EMILIN2: variants seen among roughly 807,000 people sequenced by gnomAD.
EMILIN2 encodes the protein elastin microfibril interfacer 2, also known as EMILIN-2.
EMILIN2 carries 71 observed loss-of-function variants against 87.1 expected under a neutral mutation model. The ratio of observed to expected loss-of-function variants is 0.82; its 90% confidence interval spans 0.67 to 0.99. EMILIN2 has a LOEUF of 0.99. EMILIN2 is among the 50% of genes least tolerant of loss of function. The pLI is 0.00. For missense variants in EMILIN2, 1,407 were observed against 1,371.8 expected, an observed-to-expected ratio of 1.03 and a Z score of -0.40; for synonymous variants, 581 against 563.4, an observed-to-expected ratio of 1.03 and a Z score of -0.44.
At position 2,867,369 on chromosome 18, in the gene EMILIN2, T is replaced by G. The variant is rs190750479; in HGVS notation, c.258-17595T>G. 5.6e-3 allele frequency among the ~76,000 whole-genome samples: 846 copies of G among 151,118 alleles called. 8 individuals carry two copies. The highest frequency in any genetic ancestry group is 0.018 in the African/African-American group (764 of 41,354). On this transcript the variant is annotated intron_variant, in intron 2 of 7. Transcript: ENST00000254528. ...GTCTTTATTTATTTATTTATTTATT[T>G]ATTGATCATTCTTGGGTGTTTCTCG...
At position 2,906,801 on chromosome 18, in the gene EMILIN2, C is replaced by T. The variant is rs536997896; in HGVS notation, c.2378C>T (p.Pro793Leu). The change falls in exon 5 of 8, where the codon CCG (proline) becomes CTG (leucine). Residue 793 changes from proline to leucine, a missense_variant. Pro to Leu is a moderately conservative substitution (Grantham distance 98). Coordinates refer to ENST00000254528, the MANE Select transcript of EMILIN2 (RefSeq NM_032048.3). ...QPSAKAPSPP[P>L]PAEAPKEPLQ... ...CCGGCAGAGGCGCCCTCGCCCCCGC[C>T]GCCCGCAGAGGCCCCGAAGGAGCCG... 2.3e-6 allele frequency: 3 copies of T among 1,292,788 alleles called. No individual in the cohort carries two copies. The highest frequency in any genetic ancestry group is 2.5e-5 in the South Asian group (1 of 40,132). 80.1% of individuals were successfully genotyped at this position (1,292,788 alleles called of 1,614,324 possible). A position where few individuals can be genotyped will look rare whatever the true frequency, so the allele number is the denominator to read the frequency against.
intron 4 of EMILIN2, among the ~76,000 whole-genome samples, chr18:2,897,814 A>G (rs895195134): frequency 9.9e-5 from 15 of 151,294 alleles, no homozygotes; most frequent in African/African-American, 3.7e-4. Context: ...GTGAGCTATG[A>G]TCACACCACT....
Position 2,906,951 on chromosome 18 carries a change from G to A in EMILIN2, c.2528G>A (p.Gly843Glu). Residue 843 changes from glycine (G) to glutamate (E), a missense_variant, in exon 5 of 8, where the codon GGG becomes GAG. By Grantham distance (98) the Gly-to-Glu change is moderately conservative (BLOSUM62 -2). Coordinates refer to ENST00000254528, the MANE Select transcript of EMILIN2 (RefSeq NM_032048.3). ...ERPPQPPGSTGVIAETGQAGP... is the reference protein window; with the variant it reads ...ERPPQPPGSTEVIAETGQAGP... ...CCGCCCCAGCCGCCAGGCTCCACCG[G>A]GGTCATCGCGGAGACGGGCCAGGCC... 7.1e-7 allele frequency: 1 copy of A among 1,405,730 alleles called. No individual in the cohort carries two copies. Among genetic ancestry groups the A allele is most frequent in the African/African-American group, 1.5e-5 (1 of 67,096 alleles). The allele number at this position is 1,405,730 out of a possible 1,614,324, so 87.1% of individuals were successfully genotyped here. A position where few individuals can be genotyped will look rare whatever the true frequency, so the allele number is the denominator to read the frequency against.
intron 3 of EMILIN2, among the ~76,000 whole-genome samples, chr18:2,886,904 C>T (rs2144028857): frequency 6.6e-6 from 1 of 152,254 alleles, no homozygotes; most frequent in East Asian, 1.9e-4. Context: ...CTCACTTGCC[C>T]TACCTGGACG....
At chr18:2,889,133 C>CTTTTTTTTTTTTTTTT (rs772439545) in intron 3 of EMILIN2, among the ~76,000 whole-genome samples, 139 of 84,312 alleles carry the variant, frequency 1.6e-3, no homozygotes, top group Non-Finnish European at 2.0e-3. Context: ...TCTTTCTTTT[C>CTTTTTTTTTTTTTTTT]TTTTTTTTTT....
chr18:2,899,839 C>T (rs758938843), intron 4 of EMILIN2, among the ~76,000 whole-genome samples: 1 of 152,198 alleles, frequency 6.6e-6, no homozygotes, highest in Non-Finnish European at 1.5e-5. Flanking sequence ...TTAAAAATTC[C>T]AAGAGCTGCT....
chr18:2,869,891 T>C (rs534863907), intron 2 of EMILIN2, among the ~76,000 whole-genome samples: 23 of 152,092 alleles, frequency 1.5e-4, no homozygotes, highest in African/African-American at 5.3e-4. Context: ...GTAAGGATAC[T>C]TCTCGGAGTT....
At chr18:2,903,784 A>G (rs558594527) in intron 4 of EMILIN2, among the ~76,000 whole-genome samples, 2 of 149,930 alleles carry the variant, frequency 1.3e-5, no homozygotes, top group African/African-American at 4.9e-5. Flanking sequence ...CATTTTTTTT[A>G]AAAATTGACC....
chr18:2,899,226 C>T (rs1467150967), intron 4 of EMILIN2, among the ~76,000 whole-genome samples: 2 of 152,274 alleles, frequency 1.3e-5, no homozygotes, highest in Non-Finnish European at 1.5e-5. Flanking sequence ...AAGGCTACCC[C>T]AGAGGCAGAG....
chr18:2,881,604 G>A (rs2076777108), intron 2 of EMILIN2, among the ~76,000 whole-genome samples: 1 of 152,224 alleles, frequency 6.6e-6, no homozygotes, highest in Non-Finnish European at 1.5e-5. Flanking sequence ...CTCTTCAATG[G>A]GCACAGGAGT....
chr18:2,868,955 GT>G (rs11332432), intron 2 of EMILIN2, among the ~76,000 whole-genome samples: 94,625 of 146,106 alleles, frequency 0.65, 30,438 homozygotes, highest in East Asian at 0.77. Flanking sequence ...TTTGAAGGGA[GT>G]TTTTTTTTTT....
intron 2 of EMILIN2, among the ~76,000 whole-genome samples, chr18:2,854,264 T>A (rs2076615928): frequency 6.6e-6 from 1 of 152,090 alleles, no homozygotes. Context: ...TAGCTCTTTT[T>A]CTAAAAAGAT....
chr18:2,882,125 G>A (rs916080624), intron 2 of EMILIN2, among the ~76,000 whole-genome samples: 10 of 152,326 alleles, frequency 6.6e-5, no homozygotes, highest in Admixed American at 2.6e-4. Context: ...TTAACCCCAT[G>A]AGCCTCTGTT....
At chr18:2,854,688 A>G (rs2076618414) in intron 2 of EMILIN2, among the ~76,000 whole-genome samples, 1 of 152,082 alleles carries the variant, frequency 6.6e-6, no homozygotes, top group African/African-American at 2.4e-5. Context: ...CAGCTACTGG[A>G]GAGGCTGAGG....
In EMILIN2 at chr18:2,848,951, CA is replaced by C. The variant is rs750223429; in HGVS notation, c.257+1021del. Reference sequence around the variant, plus strand: ...TCTTATGGGAAGTGGTCGCTGGGTCCACCCCACGTGGGCTTCTGGAGGAGCT... The same window carrying C: ...TCTTATGGGAAGTGGTCGCTGGGTCCCCCCACGTGGGCTTCTGGAGGAGCT... On this transcript the variant is annotated intron_variant, in intron 2 of 7. Transcript: ENST00000254528. The surrounding 1 kb of genome is among the most constrained non-coding windows in gnomAD (Gnocchi z 4.1). Among the ~76,000 whole-genome samples the C allele has an allele frequency of 6.6e-6, 1 of 152,126 alleles. No homozygotes were observed. The highest frequency in any genetic ancestry group is 1.5e-5 in the Non-Finnish European group (1 of 68,034).
chr18:2,866,648 A>C (rs2143980994), intron 2 of EMILIN2, among the ~76,000 whole-genome samples: 1 of 152,332 alleles, frequency 6.6e-6, no homozygotes, highest in Middle Eastern at 3.4e-3. Flanking sequence ...GCAAACAGTG[A>C]CAGTTTGACT....
Position 2,908,992 on chromosome 18 carries a change from A to T in EMILIN2, c.2695+17A>T. On this transcript the variant is annotated intron_variant, in intron 6 of 7. Transcript: ENST00000254528. ...CTTCCCCAGGTATGTCTGCTGAGAG[A>T]CCAGGAGCAGGAGGAGCGGTCTCCT... The T allele has an allele frequency of 1.2e-6, 2 of 1,613,036 alleles. No homozygotes were observed. Among genetic ancestry groups the T allele is most frequent in the Non-Finnish European group, 1.7e-6 (2 of 1,179,984 alleles).
At chr18:2,861,777 T>G (rs1046410563) in intron 2 of EMILIN2, among the ~76,000 whole-genome samples, 5 of 152,204 alleles carry the variant, frequency 3.3e-5, no homozygotes, top group Non-Finnish European at 7.3e-5. Context: ...AAGAAAGTCA[T>G]TGGTAGCTTG....
In EMILIN2 at chr18:2,848,488, C is replaced by T. The variant is rs2076587547; in HGVS notation, c.257+557C>T. 6.6e-6 allele frequency among the ~76,000 whole-genome samples: 1 copy of T among 152,038 alleles called. No homozygotes were observed. Among genetic ancestry groups the T allele is most frequent in the Admixed American group, 6.5e-5 (1 of 15,268 alleles). The stretch of plus-strand genomic sequence containing the variant: ...AAGTGTGGCTCCCCAGCATCCCTCC[C>T]CGCAACTTAGATTTGGAGATTCTCT... On this transcript the variant is annotated intron_variant, in intron 2 of 7. Transcript: ENST00000254528. This position sits in a 1 kb window ranked among gnomAD's most constrained non-coding sequence, Gnocchi z 4.1.
Sources: gnomAD v4.1 joint callset for allele counts (sites outside exome capture counted in the v4.1 genomes callset) on GRCh38, gnomAD v4.1.1 for gene constraint, Gnocchi (gnomAD v3.1) non-coding constraint, MANE v1.5 for transcripts, NCBI Gene and HGNC (gene_info 2026-07-23, HGNC 2026-07-21) for gene names.